PCBP3: variants seen among roughly 807,000 people sequenced by gnomAD.
PCBP3 encodes the protein poly(rC)-binding protein 3.
PCBP3 carries 25 observed loss-of-function variants against 52.7 expected under a neutral mutation model. The observed-to-expected ratio is 0.47, with a 90% CI of 0.35 to 0.66. The LOEUF is 0.66. Ranked by LOEUF, PCBP3 falls within the 30% of genes least tolerant of loss-of-function variation. The pLI is 0.01. For synonymous variants in PCBP3, 162 were observed against 183.0 expected (o/e 0.89, Z 0.93); for missense variants, 391 against 490.3 (o/e 0.80, Z 1.91).
intron 16 of PCBP3, among the ~76,000 whole-genome samples, chr21:45,937,150 C>T (rs570101101): frequency 1.3e-5 from 2 of 152,340 alleles, no homozygotes; most frequent in South Asian, 2.1e-4. Flanking sequence ...CCTGTCATCT[C>T]GTCCACGTCC....
At chr21:45,758,054 A>C (rs192314786) in intron 4 of PCBP3, among the ~76,000 whole-genome samples, 3 of 152,010 alleles carry the variant, frequency 2.0e-5, no homozygotes, top group Non-Finnish European at 4.4e-5. Flanking sequence ...ATGCCCAGCT[A>C]ATTTTTTGTA....
intron 5 of PCBP3, among the ~76,000 whole-genome samples, chr21:45,857,376 A>T (rs1480264570): frequency 6.6e-6 from 1 of 152,178 alleles, no homozygotes; most frequent in Non-Finnish European, 1.5e-5. Flanking sequence ...TTAGATAGGA[A>T]TATAGGCAAG....
chr21:45,912,205 C>T (rs1432682475), intron 11 of PCBP3, among the ~76,000 whole-genome samples: 1 of 152,246 alleles, frequency 6.6e-6, no homozygotes, highest in Non-Finnish European at 1.5e-5. Flanking sequence ...ATCCGAACCA[C>T]CCTATCTCCT....
intron 1 of PCBP3, among the ~76,000 whole-genome samples, chr21:45,648,575 G>A (rs2079478973): frequency 6.6e-6 from 1 of 152,238 alleles, no homozygotes; most frequent in Non-Finnish European, 1.5e-5. Context: ...TGAGATTGTG[G>A]TGTCACAGGC....
intron 5 of PCBP3, among the ~76,000 whole-genome samples, chr21:45,869,915 T>C (rs2050558000): frequency 6.6e-6 from 1 of 152,266 alleles, no homozygotes; most frequent in Non-Finnish European, 1.5e-5. Flanking sequence ...CAGTGGTGCC[T>C]GGCCCAACCA....
chr21:45,936,039 A>C (rs2076859461), intron 16 of PCBP3, among the ~76,000 whole-genome samples: 1 of 152,208 alleles, frequency 6.6e-6, no homozygotes, highest in Non-Finnish European at 1.5e-5. Context: ...TTACAGCTCA[A>C]GTGTCCAGGA....
chr21:45,758,114 C>T (rs1011515185), intron 4 of PCBP3, among the ~76,000 whole-genome samples: 2 of 152,186 alleles, frequency 1.3e-5, no homozygotes, highest in East Asian at 3.9e-4. Flanking sequence ...GTCTCGAACT[C>T]GTGAGCTCAG....
At chr21:45,911,367 T>C in intron 11 of PCBP3, 2 of 276,334 alleles carry the variant, frequency 7.2e-6, no homozygotes, top group South Asian at 3.5e-5. Context: ...GAAACAGTGC[T>C]CTTTACGTTG....
chr21:45,916,574 G>C (rs975555168), intron 12 of PCBP3: 1 of 152,256 alleles, frequency 6.6e-6, no homozygotes, highest in African/African-American at 2.4e-5. Context: ...CTGCACAGAG[G>C]TGACACACAT....
At position 45,673,220 on chromosome 21, in the gene PCBP3, G is replaced by A. The variant is rs185971166; in HGVS notation, c.-200+4268G>A. ...AATTTCTGATTAGACTCTTTCTTTG[G>A]GAATTAATTATTTGACCCATTTTCT... On this transcript the variant is annotated intron_variant, in intron 2 of 17. Coordinates refer to ENST00000681687, the MANE Select transcript of PCBP3 (RefSeq NM_001384156.1). 2.0e-3 allele frequency among the ~76,000 whole-genome samples: 305 copies of A among 152,200 alleles called. 1 individual carries two copies. Among genetic ancestry groups the A allele is most frequent in the African/African-American group, 7.1e-3 (293 of 41,522 alleles).
At chr21:45,655,813 GAAAA>G (rs531898352) in intron 1 of PCBP3, among the ~76,000 whole-genome samples, 1 of 150,098 alleles carries the variant, frequency 6.7e-6, no homozygotes, top group Non-Finnish European at 1.5e-5. Flanking sequence ...AAATTTTCAA[GAAAA>G]AAAAACCCAT....
chr21:45,779,476 C>T lies in PCBP3; in HGVS notation c.-126+24024C>T, dbSNP rs532997345. 9.8e-5 allele frequency among the ~76,000 whole-genome samples: 15 copies of T among 152,300 alleles called. No homozygotes were observed. In the South Asian group the frequency reaches 2.3e-3, roughly 23 times the overall value. On this transcript the variant is annotated intron_variant, in intron 4 of 17. Coordinates refer to ENST00000681687, the MANE Select transcript of PCBP3 (RefSeq NM_001384156.1). ...GCTTTTGGTATTTCCTGTTACTTCT[C>T]TGTTGAATTCACATTCTCTCTTGGG...
intron 2 of PCBP3, among the ~76,000 whole-genome samples, chr21:45,729,945 G>A (rs2085333468): frequency 6.6e-6 from 1 of 151,982 alleles, no homozygotes; most frequent in Non-Finnish European, 1.5e-5. Context: ...AAATTTTTTT[G>A]TAGAGAGTAG....
At chr21:45,939,494 TTAATC>T (rs1337464054) in intron 16 of PCBP3, among the ~76,000 whole-genome samples, 4 of 152,236 alleles carry the variant, frequency 2.6e-5, no homozygotes, top group South Asian at 2.1e-4. Context: ...GCCTCAGAGT[TTAATC>T]TAAGTTCAGC....
chr21:45,905,749 A>T (rs2096187415), intron 9 of PCBP3, among the ~76,000 whole-genome samples: 1 of 152,132 alleles, frequency 6.6e-6, no homozygotes, highest in East Asian at 1.9e-4. Flanking sequence ...GTCAGATTAC[A>T]TTAGGGTCTA....
chr21:45,738,514 A>G (rs56300316), intron 3 of PCBP3, among the ~76,000 whole-genome samples: 30,240 of 152,166 alleles, frequency 0.2, 3,277 homozygotes, highest in Middle Eastern at 0.34. Context: ...TCGGCCTCCC[A>G]AAGTGCTGGG....
intron 4 of PCBP3, among the ~76,000 whole-genome samples, chr21:45,815,050 GTGAGTGT>G (rs1286784010): frequency 8.4e-6 from 1 of 119,710 alleles, no homozygotes; most frequent in Non-Finnish European, 1.7e-5. Context: ...GTGGTGAGTG[GTGAGTGT>G]TGAGTGAGTG....
At chr21:45,938,631 G>A (rs2077130326) in intron 16 of PCBP3, among the ~76,000 whole-genome samples, 1 of 152,132 alleles carries the variant, frequency 6.6e-6, no homozygotes, top group Non-Finnish European at 1.5e-5. Context: ...GGAGATGTGG[G>A]TGGGGTCTGG....
chr21:45,755,915 G>A (rs139995964), intron 4 of PCBP3, among the ~76,000 whole-genome samples: 17 of 152,012 alleles, frequency 1.1e-4, no homozygotes, highest in African/African-American at 3.6e-4. Flanking sequence ...TTAAAGAAAC[G>A]GAATTGTTTA....
Sources: gnomAD v4.1 joint callset for allele counts (sites outside exome capture counted in the v4.1 genomes callset) on GRCh38, gnomAD v4.1.1 for gene constraint, MANE v1.5 for transcripts, NCBI Gene and HGNC (gene_info 2026-07-23, HGNC 2026-07-21) for gene names.